C8orf34: variants seen among roughly 807,000 people sequenced by gnomAD.
C8orf34 encodes the protein uncharacterized protein C8orf34.
C8orf34 carries 65 observed loss-of-function variants against 68.3 expected under a neutral mutation model. The observed-to-expected ratio is 0.95, with a 90% CI of 0.78 to 1.17. C8orf34 has a LOEUF of 1.17. Among genes scored for constraint, C8orf34 ranks in the 50% most tolerant of loss-of-function variants. The probability of loss-of-function intolerance (pLI) is 0.00; values close to 1 mark genes in which losing one functional copy is unlikely to be tolerated. For synonymous variants in C8orf34, 244 were observed against 241.2 expected (o/e 1.01, Z -0.11); for missense variants, 664 against 655.4 (o/e 1.01, Z -0.14).
chr8:68,437,620 C>G (rs868558617), intron 1 of C8orf34, among the ~76,000 whole-genome samples: 1 of 152,142 alleles, frequency 6.6e-6, no homozygotes, highest in Non-Finnish European at 1.5e-5. Context: ...ACCTTCACAA[C>G]AGTAGCAGAT....
intron 8 of C8orf34, among the ~76,000 whole-genome samples, chr8:68,642,835 G>A (rs550551200): frequency 6.6e-6 from 1 of 152,258 alleles, no homozygotes; most frequent in African/African-American, 2.4e-5. Flanking sequence ...TTGATAGGGT[G>A]GATTTTGAGA....
intron 8 of C8orf34, among the ~76,000 whole-genome samples, chr8:68,696,064 G>A (rs1820823262): frequency 6.6e-6 from 1 of 151,752 alleles, no homozygotes; most frequent in Non-Finnish European, 1.5e-5. Flanking sequence ...CTACCAAAAG[G>A]CTGAGGTTAG....
chr8:68,815,206 C>G (rs1824774122), intron 12 of C8orf34, among the ~76,000 whole-genome samples: 1 of 152,204 alleles, frequency 6.6e-6, no homozygotes, highest in Non-Finnish European at 1.5e-5. Flanking sequence ...TAGTCATGCC[C>G]CATTTCCCCA....
intron 8 of C8orf34, among the ~76,000 whole-genome samples, chr8:68,662,838 T>C (rs1819722696): frequency 6.6e-6 from 1 of 152,196 alleles, no homozygotes; most frequent in Non-Finnish European, 1.5e-5. Flanking sequence ...GGTTCATTTT[T>C]AGTTCAAAGC....
intron 10 of C8orf34, among the ~76,000 whole-genome samples, chr8:68,722,878 TG>T (rs1328222162): frequency 6.6e-6 from 1 of 151,974 alleles, no homozygotes; most frequent in African/African-American, 2.4e-5. Context: ...TACTGTAAAA[TG>T]GTAAAATCTT....
chr8:68,483,671 G>A (rs1812954936), intron 4 of C8orf34, among the ~76,000 whole-genome samples: 1 of 152,220 alleles, frequency 6.6e-6, no homozygotes, highest in East Asian at 1.9e-4. Context: ...ATCAAAGATG[G>A]AGTTGCTTTA....
chr8:68,410,468 TA>T (rs1809398456), intron 1 of C8orf34, among the ~76,000 whole-genome samples: 1 of 152,192 alleles, frequency 6.6e-6, no homozygotes, highest in Non-Finnish European at 1.5e-5. Flanking sequence ...AGGATGTGCA[TA>T]AGTTATATAA....
chr8:68,418,009 C>T (rs1809755322), intron 1 of C8orf34, among the ~76,000 whole-genome samples: 2 of 149,744 alleles, frequency 1.3e-5, no homozygotes, highest in South Asian at 4.3e-4. Context: ...AGGTCCTTCA[C>T]ATCCCTTGTA....
intron 10 of C8orf34, among the ~76,000 whole-genome samples, chr8:68,740,102 C>T (rs1822238703): frequency 6.6e-6 from 1 of 152,098 alleles, no homozygotes; most frequent in Admixed American, 6.6e-5. Context: ...CAAAAATTAA[C>T]TCAAGATGAA....
At chr8:68,515,371 CTCTTTTTTT>C (rs1814465491) in intron 5 of C8orf34, among the ~76,000 whole-genome samples, 1 of 144,044 alleles carries the variant, frequency 6.9e-6, no homozygotes, top group African/African-American at 2.8e-5. Context: ...AAGATAATTT[CTCTTTTTTT>C]TCTTTTTTTT....
intron 8 of C8orf34, among the ~76,000 whole-genome samples, chr8:68,672,996 A>G (rs1281029547): frequency 6.6e-6 from 1 of 152,130 alleles, no homozygotes; most frequent in African/African-American, 2.4e-5. Context: ...TAGCTCTCAG[A>G]TGACATTTCT....
At chr8:68,625,034 G>A (rs962824397) in intron 7 of C8orf34, among the ~76,000 whole-genome samples, 1 of 152,028 alleles carries the variant, frequency 6.6e-6, no homozygotes, top group East Asian at 1.9e-4. Flanking sequence ...AAATGCTATG[G>A]GGATAAAGAA....
At chr8:68,772,711 CTTTCTTTCTTTCTT>C (rs1273884341) in intron 10 of C8orf34, among the ~76,000 whole-genome samples, 6 of 113,552 alleles carry the variant, frequency 5.3e-5, no homozygotes, top group South Asian at 3.2e-4. Flanking sequence ...CCCTCTCTTT[CTTTCTTTCTTTCTT>C]TTTCTTTCTT....
chr8:68,690,008 A>T (rs966420693), intron 8 of C8orf34, among the ~76,000 whole-genome samples: 2 of 152,016 alleles, frequency 1.3e-5, no homozygotes, highest in African/African-American at 4.8e-5. Context: ...TGCTGGTCTT[A>T]TTTTGGAATT....
chr8:68,622,548 G>T (rs1388767290), intron 7 of C8orf34, among the ~76,000 whole-genome samples: 2 of 152,192 alleles, frequency 1.3e-5, no homozygotes, highest in Admixed American at 6.5e-5. Context: ...CGATGGTATG[G>T]CAATGAGCTT....
intron 12 of C8orf34, among the ~76,000 whole-genome samples, chr8:68,789,047 G>A (rs1480016091): frequency 6.6e-6 from 1 of 152,106 alleles, no homozygotes; most frequent in Non-Finnish European, 1.5e-5. Context: ...TGCTCCAAAA[G>A]TTTTATGAAA....
At chr8:68,455,767 CTT>C (rs1811520447) in intron 3 of C8orf34, among the ~76,000 whole-genome samples, 1 of 151,716 alleles carries the variant, frequency 6.6e-6, no homozygotes, top group African/African-American at 2.4e-5. Context: ...GGTTAAAACT[CTT>C]TAGGAATAGA....
chr8:68,650,807 T>C (rs1417964431), intron 8 of C8orf34, among the ~76,000 whole-genome samples: 1 of 152,018 alleles, frequency 6.6e-6, no homozygotes, highest in East Asian at 1.9e-4. Flanking sequence ...TGCAGATGGG[T>C]TCCCTACCTG....
At chr8:68,371,432 A>G (rs919710661) in intron 1 of C8orf34, among the ~76,000 whole-genome samples, 7 of 144,424 alleles carry the variant, frequency 4.8e-5, no homozygotes, top group African/African-American at 2.0e-4. Context: ...ATGACATTCT[A>G]TATGACATCT....
Sources: allele counts gnomAD v4.1 joint callset (sites outside exome capture counted in the v4.1 genomes callset), GRCh38; gene constraint gnomAD v4.1.1; transcripts MANE v1.5; gene names NCBI Gene and HGNC (gene_info 2026-07-23, HGNC 2026-07-21).